Variants in GRIN2B observed in about 807,000 individuals in gnomAD.
GRIN2B encodes the protein glutamate ionotropic receptor NMDA type subunit 2B, also known as glutamate receptor ionotropic, NMDA 2B.
GRIN2B carries 5 observed loss-of-function variants against 114.5 expected under a neutral mutation model. The observed-to-expected ratio is 0.04, with a 90% confidence interval of 0.02 to 0.09. The LOEUF (loss-of-function observed/expected upper bound fraction) is 0.09, where lower values mean the gene tolerates loss of function less well. Ranked by LOEUF, GRIN2B falls within the 10% of genes least tolerant of loss-of-function variation. The pLI, the probability that GRIN2B is intolerant of heterozygous loss-of-function variation, is 1.00. For missense variants in GRIN2B, 1,108 were observed against 1,943.5 expected (o/e 0.57, Z 8.08); for synonymous variants, 787 against 745.1 (o/e 1.06, Z -0.92).
intron 5 of GRIN2B, among the ~76,000 whole-genome samples, chr12:13,632,891 G>A (rs546670344): frequency 1.6e-4 from 24 of 152,294 alleles, no homozygotes; most frequent in African/African-American, 3.1e-4. Flanking sequence ...TATTGGAATC[G>A]CTAAGCAGGT....
At chr12:13,788,503 A>T (rs1360101342) in intron 3 of GRIN2B, among the ~76,000 whole-genome samples, 1 of 152,328 alleles carries the variant, frequency 6.6e-6, no homozygotes, top group East Asian at 1.9e-4. Context: ...TGCTCACAAG[A>T]GAGCCTTGGA....
chr12:13,897,337 T>C (rs956569201), intron 2 of GRIN2B, among the ~76,000 whole-genome samples: 2 of 151,838 alleles, frequency 1.3e-5, no homozygotes, highest in African/African-American at 4.8e-5. Context: ...AATAAAAGAC[T>C]CCCCAGCCCT....
intron 2 of GRIN2B, among the ~76,000 whole-genome samples, chr12:13,959,773 T>C (rs79182055): frequency 6.7e-6 from 1 of 149,210 alleles, no homozygotes; most frequent in Non-Finnish European, 1.5e-5. Context: ...CTTTTTCTTT[T>C]TTTTTTTTTT....
chr12:13,736,223 T>C (rs571817590), intron 4 of GRIN2B, among the ~76,000 whole-genome samples: 10 of 149,538 alleles, frequency 6.7e-5, no homozygotes, highest in African/African-American at 1.9e-4. Flanking sequence ...CAGGACAGCA[T>C]ATGGCATTTC....
chr12:13,886,869 C>T (rs1866168265), intron 2 of GRIN2B, among the ~76,000 whole-genome samples: 1 of 152,234 alleles, frequency 6.6e-6, no homozygotes, highest in Non-Finnish European at 1.5e-5. Context: ...ACTCATGTCA[C>T]ATGCACACTC....
intron 3 of GRIN2B, among the ~76,000 whole-genome samples, chr12:13,825,493 A>ATATATTT (rs1555144006): frequency 3.6e-5 from 1 of 28,132 alleles, no homozygotes; most frequent in African/African-American, 1.1e-4. Context: ...ATATATATAT[A>ATATATTT]TTTTGTGTGT....
intron 5 of GRIN2B, among the ~76,000 whole-genome samples, chr12:13,637,442 A>T (rs568776815): frequency 1.3e-5 from 2 of 152,266 alleles, no homozygotes; most frequent in African/African-American, 4.8e-5. Context: ...GTGAAATTTA[A>T]TTACACACCT....
Position 13,615,019 on chromosome 12 carries a change from C to G in GRIN2B, c.1654+95G>C, listed in dbSNP as rs905371058. The G allele has an allele frequency of 8.6e-7, 1 of 1,164,000 alleles. No homozygotes were observed. The highest frequency in any genetic ancestry group is 1.3e-6 in the Non-Finnish European group (1 of 770,894). The allele number at this position is 1,164,000 out of a possible 1,614,324, so 72.1% of individuals were successfully genotyped here. A position where few individuals can be genotyped will look rare whatever the true frequency, so the allele number is the denominator to read the frequency against. Reference sequence around the variant, plus strand: ...AGTTGAGCTCCTAGCAAACCACCTTCTAGCTGGAACAGCCTGGCCATGTGC... The same window carrying G: ...AGTTGAGCTCCTAGCAAACCACCTTGTAGCTGGAACAGCCTGGCCATGTGC... On this transcript the variant is annotated intron_variant, in intron 8 of 13. Coordinates refer to ENST00000609686, the MANE Select transcript of GRIN2B (RefSeq NM_000834.5). The surrounding 1 kb of genome is among the most constrained non-coding windows in gnomAD (Gnocchi z 5.8).
intron 2 of GRIN2B, chr12:13,977,535 G>T (rs1041159435): frequency 3.9e-5 from 6 of 152,152 alleles, no homozygotes; most frequent in Admixed American, 6.5e-5. Flanking sequence ...CATCATGGAG[G>T]TTCCTCGATT....
chr12:13,832,608 A>C (rs781571675), intron 3 of GRIN2B, among the ~76,000 whole-genome samples: 10 of 152,160 alleles, frequency 6.6e-5, no homozygotes, highest in Admixed American at 1.3e-4. Context: ...TATTTATAGA[A>C]ATGACATTTT....
At position 13,781,496 on chromosome 12, in the gene GRIN2B, T is replaced by C. The variant is rs143010880; in HGVS notation, c.412-27581A>G. Among the ~76,000 whole-genome samples the C allele has an allele frequency of 5.9e-5, 9 of 152,346 alleles. No individual in the cohort carries two copies. In the East Asian group the frequency reaches 1.7e-3, roughly 29 times the overall value. ...TAAGTGGAACACACTGATACACTGA[T>C]AAACTGATCATTGGTAGCTTGATCA... is the stretch of plus-strand genomic sequence containing the variant. On this transcript the variant is annotated intron_variant, in intron 3 of 13. Transcript: ENST00000609686.
chr12:13,804,549 G>C (rs549504396), intron 3 of GRIN2B, among the ~76,000 whole-genome samples: 1 of 152,126 alleles, frequency 6.6e-6, no homozygotes, highest in Non-Finnish European at 1.5e-5. Flanking sequence ...CCTCCACCTT[G>C]ACTGCATCCC....
At chr12:13,668,484 C>G (rs1949996944) in intron 5 of GRIN2B, among the ~76,000 whole-genome samples, 1 of 152,122 alleles carries the variant, frequency 6.6e-6, no homozygotes, top group African/African-American at 2.4e-5. Flanking sequence ...CTCTCCATGG[C>G]TGCCTCCTGT....
intron 4 of GRIN2B, among the ~76,000 whole-genome samples, chr12:13,718,874 C>G (rs1169605000): frequency 6.6e-6 from 1 of 152,034 alleles, no homozygotes; most frequent in Non-Finnish European, 1.5e-5. Flanking sequence ...TGAGCAACCT[C>G]TCTCCAACTC....
At chr12:13,579,000 T>C (rs1948811086) in intron 10 of GRIN2B, among the ~76,000 whole-genome samples, 1 of 152,018 alleles carries the variant, frequency 6.6e-6, no homozygotes. Context: ...TATGAGCAGC[T>C]GTGCCCATGC....
chr12:13,832,915 C>G (rs544268900), intron 3 of GRIN2B, among the ~76,000 whole-genome samples: 1 of 152,046 alleles, frequency 6.6e-6, no homozygotes, highest in African/African-American at 2.4e-5. Context: ...TTATGAAAGT[C>G]TCTATTTCCC....
intron 3 of GRIN2B, among the ~76,000 whole-genome samples, chr12:13,786,583 C>T (rs553948512): frequency 9.9e-5 from 15 of 152,030 alleles, no homozygotes; most frequent in African/African-American, 2.4e-4. Flanking sequence ...TGCCATTGGC[C>T]GTGGTGATCA....
intron 5 of GRIN2B, among the ~76,000 whole-genome samples, chr12:13,642,982 C>T (rs948059806): frequency 5.9e-5 from 9 of 152,156 alleles, no homozygotes; most frequent in Admixed American, 2.0e-4. Context: ...CAAAAGAATA[C>T]ACCATCAATT....
intron 4 of GRIN2B, among the ~76,000 whole-genome samples, chr12:13,724,985 C>T (rs370631529): frequency 1.4e-3 from 217 of 152,246 alleles, no homozygotes; most frequent in Admixed American, 2.5e-3. Context: ...TTTCTTCCCC[C>T]TTCATCTGAA....
Sources: allele counts gnomAD v4.1 joint callset (sites outside exome capture counted in the v4.1 genomes callset), GRCh38; gene constraint gnomAD v4.1.1; non-coding constraint Gnocchi (gnomAD v3.1); transcripts MANE v1.5; gene names NCBI Gene and HGNC (gene_info 2026-07-23, HGNC 2026-07-21).